Variants in SENP1 observed in about 807,000 individuals in gnomAD.
SENP1 encodes the protein SUMO specific peptidase 1, also known as sentrin-specific protease 1.
A neutral mutation model predicts 93.0 loss-of-function variants in SENP1; 21 were observed. The ratio of observed to expected loss-of-function variants is 0.23; its 90% CI spans 0.16 to 0.33. The LOEUF (loss-of-function observed/expected upper bound fraction) is 0.33, where lower values mean the gene tolerates loss of function less well. Ranked by LOEUF, SENP1 falls within the 10% of genes least tolerant of loss-of-function variation. SENP1 has a pLI of 1.00. For missense variants in SENP1, 591 were observed against 758.7 expected (o/e 0.78, Z 2.60); for synonymous variants, 256 against 259.6 (o/e 0.99, Z 0.13).
intron 9 of SENP1, among the ~76,000 whole-genome samples, chr12:48,068,429 T>G (rs1483746785): frequency 6.6e-6 from 1 of 152,198 alleles, no homozygotes; most frequent in Non-Finnish European, 1.5e-5. Flanking sequence ...ATCCCTATAC[T>G]ATTTAAACCT....
At chr12:48,081,385 ACAACGATGACATGAAAATTTGTGTAATGT>A (rs1213502251) in intron 6 of SENP1, 1 of 152,114 alleles carries the variant, frequency 6.6e-6, no homozygotes, top group East Asian at 1.9e-4. Context: ...TGGCCCCTGT[ACAACGATGACATGAAAATTTGTGTAATGT>A]CAAAAAAAAT....
Position 48,105,847 on chromosome 12 carries a change from C to T in SENP1, c.-45+181G>A, listed in dbSNP as rs1946514844. The T allele has an allele frequency of 5.0e-6, 3 of 599,880 alleles. No homozygotes were observed. The East Asian group carries it at 8.4e-5, about 17-fold the overall frequency. 37.2% of individuals were successfully genotyped at this position (599,880 alleles called of 1,614,324 possible). ...GCCACCGGCGGCCACAGCGCGGCCA[C>T]CGGACAGCAGGGGGGAGGGGAGGTG... On this transcript the variant is annotated intron_variant, in intron 1 of 17. Transcript: ENST00000549518.
At chr12:48,057,884 A>G (rs915056124) in intron 13 of SENP1, among the ~76,000 whole-genome samples, 1 of 148,258 alleles carries the variant, frequency 6.7e-6, no homozygotes, top group Admixed American at 6.7e-5. Context: ...GACGTGAGCC[A>G]CTGTGCCTAG....
At chr12:48,073,514 CTTGTT>C (rs1451056351) in intron 8 of SENP1, among the ~76,000 whole-genome samples, 1 of 151,932 alleles carries the variant, frequency 6.6e-6, no homozygotes, top group East Asian at 1.9e-4. Flanking sequence ...TAACCTATAA[CTTGTT>C]TTAAGTTGCA....
chr12:48,070,634 G>C (rs1353811951), intron 9 of SENP1, among the ~76,000 whole-genome samples: 12 of 152,186 alleles, frequency 7.9e-5, no homozygotes, highest in Non-Finnish European at 1.8e-4. Context: ...AGTGAGGCTT[G>C]TGAAAGAAGT....
chr12:48,105,163 G>C, intron 1 of SENP1: 3 of 290,816 alleles, frequency 1.0e-5, no homozygotes, highest in South Asian at 9.4e-5. Context: ...GGCTTTATAT[G>C]AATATTACAA....
In SENP1 at chr12:48,043,338, A is replaced by T. The variant is rs998540797; in HGVS notation, c.*1984T>A. 6.5e-6 allele frequency: 1 copy of T among 152,708 alleles called. No individual in the cohort carries two copies. Among genetic ancestry groups the T allele is most frequent in the East Asian group, 1.9e-4 (1 of 5,204 alleles). 9.5% of individuals were successfully genotyped at this position (152,708 alleles called of 1,614,324 possible). On this transcript the variant is annotated 3_prime_UTR_variant, in exon 18 of 18. Coordinates refer to ENST00000549518, the MANE Select transcript of SENP1 (RefSeq NM_001267594.2). ...TAAGACAGATGTTACCTAAATGGAC[A>T]AACAATAAATACAGAGAACAATCTT...
chr12:48,085,715 C>CAAAAA (rs200416260), intron 5 of SENP1, among the ~76,000 whole-genome samples: 38 of 116,180 alleles, frequency 3.3e-4, no homozygotes, highest in African/African-American at 6.8e-4. Context: ...TTGCTTCTCT[C>CAAAAA]AAAAAAAAAA....
intron 5 of SENP1, 89 bp downstream of exon 5, chr12:48,088,712 A>G: frequency 7.9e-7 from 1 of 1,261,850 alleles, no homozygotes; most frequent in Non-Finnish European, 1.1e-6. Context: ...TTACTCTTTT[A>G]AAATCCCAAT....
rs1253162411 is a variant in SENP1 at position 48,056,438 on chromosome 12, ATTAT to A, written c.1407+7268_1407+7271del. On this transcript the variant is annotated intron_variant, in intron 13 of 17. Transcript: ENST00000549518. ...TAATATAGTACATATTACATATATA[ATTAT>A]TTAATATATTACATATTACATATAT... is the stretch of plus-strand genomic sequence containing the variant. Among the ~76,000 whole-genome samples, 7 of 99,718 alleles carry A rather than the reference ATTAT, an allele frequency of 7.0e-5. 1 individual carries two copies. The highest frequency in any genetic ancestry group is 6.2e-4 in the East Asian group (2 of 3,236). 65.4% of individuals were successfully genotyped at this position (99,718 alleles called of 152,430 possible).
chr12:48,045,482 C>T (rs901110415), intron 17 of SENP1, 98 bp from the exon 18 acceptor site: 2 of 940,876 alleles, frequency 2.1e-6, no homozygotes, highest in African/African-American at 1.6e-5. Flanking sequence ...TTTCAACAAA[C>T]AGTCTCAGTT....
intron 1 of SENP1, among the ~76,000 whole-genome samples, chr12:48,103,702 T>C (rs1046489707): frequency 2.6e-5 from 4 of 152,180 alleles, no homozygotes; most frequent in Non-Finnish European, 5.9e-5. Context: ...ATTCATTTCC[T>C]AGTATACACT....
At chr12:48,057,023 TA>T (rs1218278704) in intron 13 of SENP1, among the ~76,000 whole-genome samples, 4 of 46,696 alleles carry the variant, frequency 8.6e-5, no homozygotes, top group South Asian at 7.0e-4. Context: ...ATTACATATA[TA>T]AATATATTAT....
In SENP1 at chr12:48,072,802, T is replaced by C. The variant is rs570160561; in HGVS notation, c.941-1081A>G. Among the ~76,000 whole-genome samples the C allele has an allele frequency of 3.9e-5, 6 of 152,276 alleles. No individual in the cohort carries two copies. The South Asian group carries it at 6.2e-4, about 16-fold the overall frequency. ...ATTTATAATCATTAGTATGTATGTA[T>C]AGGAAAAAACATGATGTATATAGGG... On this transcript the variant is annotated intron_variant, in intron 8 of 17. Coordinates refer to ENST00000549518, the MANE Select transcript of SENP1 (RefSeq NM_001267594.2).
At chr12:48,096,468 T>C (rs979714309) in intron 3 of SENP1, 41 bp from the exon 4 acceptor site, 1 of 1,379,546 alleles carries the variant, frequency 7.2e-7, no homozygotes, top group Non-Finnish European at 1.0e-6. Flanking sequence ...ACATTTTTTT[T>C]TTTTTTGAGA....
At chr12:48,094,041 A>C (rs1344415507) in intron 4 of SENP1, among the ~76,000 whole-genome samples, 1 of 152,174 alleles carries the variant, frequency 6.6e-6, no homozygotes, top group Non-Finnish European at 1.5e-5. Flanking sequence ...GTATGTACAC[A>C]CAGATAATCG....
In SENP1 at chr12:48,077,173, T is replaced by C. The variant is rs998907872; in HGVS notation, c.553-2380A>G. ...TATTGAGTTGAGCTCCTTATATATT[T>C]TGAATATCAACCCCTTATAGAATGG... On this transcript the variant is annotated intron_variant, in intron 6 of 17. Transcript: ENST00000549518. 1.1e-4 allele frequency among the ~76,000 whole-genome samples: 17 copies of C among 152,360 alleles called. No individual in the cohort carries two copies. In the East Asian group the frequency reaches 1.9e-3, roughly 17 times the overall value.
chr12:48,078,317 T>TTATATATATATATATATAAATATATA (rs370021236), intron 6 of SENP1, among the ~76,000 whole-genome samples: 1 of 70,742 alleles, frequency 1.4e-5, no homozygotes, highest in Non-Finnish European at 2.8e-5. Context: ...CTGTAGGATT[T>TTATATATATATATATATAAATATATA]TATATATATA....
intron 13 of SENP1, among the ~76,000 whole-genome samples, chr12:48,050,355 C>G (rs1000567343): frequency 2.0e-5 from 3 of 152,192 alleles, no homozygotes; most frequent in African/African-American, 7.2e-5. Context: ...CAGGAACACA[C>G]CGGAGCACGG....
Sources: allele counts gnomAD v4.1 joint callset (sites outside exome capture counted in the v4.1 genomes callset), GRCh38; gene constraint gnomAD v4.1.1; transcripts MANE v1.5; gene names NCBI Gene and HGNC (gene_info 2026-07-23, HGNC 2026-07-21).